Variants in PHC2 observed in about 807,000 individuals in gnomAD.
PHC2 encodes the protein polyhomeotic-like protein 2.
PHC2 carries 29 observed loss-of-function variants against 87.4 expected under a neutral mutation model. The observed-to-expected ratio is 0.33, with a 90% CI of 0.25 to 0.45. The LOEUF (loss-of-function observed/expected upper bound fraction) is 0.45, where lower values mean the gene tolerates loss of function less well. Among genes scored for constraint, PHC2 ranks in the 20% least tolerant of loss-of-function variants. The pLI is 1.00. For missense variants in PHC2, 857 were observed against 1,136.7 expected, an observed-to-expected ratio of 0.75 and a Z score of 3.54; for synonymous variants, 438 against 461.7, an observed-to-expected ratio of 0.95 and a Z score of 0.66.
rs145448809 is a variant in PHC2 at position 33,364,410 on chromosome 1, A to ACACGCG, written c.976+2705_976+2706insCGCGTG. 0.016 allele frequency among the ~76,000 whole-genome samples: 2,463 copies of ACACGCG among 150,038 alleles called. 75 individuals carry two copies. The highest frequency in any genetic ancestry group is 0.054 in the African/African-American group (2,204 of 40,656). ...TGCTTTCACACACACACACACACAC[A>ACACGCG]CACACACACACACACGCTCAAGCAC... On this transcript the variant is annotated intron_variant, in intron 7 of 14. Coordinates refer to ENST00000683057, the MANE Select transcript of PHC2 (RefSeq NM_001385109.1). The surrounding 1 kb of genome is among the most constrained non-coding windows in gnomAD (Gnocchi z 4.1).
intron 1 of PHC2, among the ~76,000 whole-genome samples, chr1:33,423,373 C>A (rs1390547850): frequency 6.6e-6 from 1 of 152,064 alleles, no homozygotes; most frequent in African/African-American, 2.4e-5. Context: ...CATTTTACAG[C>A]CAAGATTTTA....
intron 9 of PHC2, among the ~76,000 whole-genome samples, chr1:33,348,287 C>T (rs1448042766): frequency 1.4e-5 from 2 of 143,460 alleles, no homozygotes; most frequent in African/African-American, 5.0e-5. Context: ...AAAAGATGGG[C>T]GGGTGGGGGA....
intron 1 of PHC2, among the ~76,000 whole-genome samples, chr1:33,390,829 G>A (rs2148360996): frequency 6.6e-6 from 1 of 152,098 alleles, no homozygotes; most frequent in African/African-American, 2.4e-5. Context: ...TTAGTTTGAG[G>A]GACTTACATA....
In PHC2 at chr1:33,364,420, A is replaced by G. The variant is rs1570487666; in HGVS notation, c.976+2696T>C. The stretch of plus-strand genomic sequence containing the variant: ...CACACACACACACACACACACACAC[A>G]CACACGCTCAAGCACGCTCTTCTCT... On this transcript the variant is annotated intron_variant, in intron 7 of 14. Coordinates refer to ENST00000683057, the MANE Select transcript of PHC2 (RefSeq NM_001385109.1). The surrounding 1 kb of genome is among the most constrained non-coding windows in gnomAD (Gnocchi z 4.1). Among the ~76,000 whole-genome samples the G allele has an allele frequency of 2.0e-5, 3 of 150,872 alleles. No homozygotes were observed. The highest frequency in any genetic ancestry group is 4.2e-4 in the South Asian group (2 of 4,752).
In PHC2 at chr1:33,414,800, C is replaced by T. The variant is rs1006069210; in HGVS notation, c.-55+16176G>A. ...AATGCAGATCTACTTTTTAACTATT[C>T]ACAAGCCATATTTTAAATGACAGAA... On this transcript the variant is annotated intron_variant, in intron 1 of 14. Coordinates refer to ENST00000683057, the MANE Select transcript of PHC2 (RefSeq NM_001385109.1). Among the ~76,000 whole-genome samples, 13 of 152,156 alleles carry T rather than the reference C, an allele frequency of 8.5e-5. 1 individual carries two copies. The highest frequency in any genetic ancestry group is 6.5e-4 in the Admixed American group (10 of 15,284).
Position 33,370,470 on chromosome 1 carries a change from G to A in PHC2, c.527C>T (p.Ser176Phe). ...TGCTTGGCTTGCAGTCAGGGCTGGG[G>A]AAGACGTGTTGCCCAAGAGCACAGC... ...QQAVLLGNTS[S>F]PALTASQAQM... Residue 176 changes from serine (S) to phenylalanine (F), a missense_variant, in exon 5 of 15, where the codon TCC becomes TTC. Physicochemically the swap from Ser to Phe is radical, Grantham distance 155. Around this residue, in one of 3 missense-constraint regions of PHC2, gnomAD observed 832 missense variants for 1,081.8 expected, o/e 0.77. Coordinates refer to ENST00000683057, the MANE Select transcript of PHC2 (RefSeq NM_001385109.1). The A allele has an allele frequency of 6.2e-7, 1 of 1,614,190 alleles. No individual in the cohort carries two copies. The highest frequency in any genetic ancestry group is 8.5e-7 in the Non-Finnish European group (1 of 1,180,022).
chr1:33,346,090 TCA>T, intron 9 of PHC2: 10 of 985,330 alleles, frequency 1.0e-5, no homozygotes, highest in Non-Finnish European at 1.1e-5. Flanking sequence ...GAGGGGTAGT[TCA>T]GTTTTGGGTT....
intron 9 of PHC2, among the ~76,000 whole-genome samples, chr1:33,342,315 G>A (rs1646758814): frequency 6.6e-6 from 1 of 152,204 alleles, no homozygotes; most frequent in Non-Finnish European, 1.5e-5. Context: ...CTGGCAGGGA[G>A]GGGGCTCCTC....
At chr1:33,352,266 T>C (rs745740623) in intron 9 of PHC2, among the ~76,000 whole-genome samples, 13 of 152,148 alleles carry the variant, frequency 8.5e-5, no homozygotes, top group Non-Finnish European at 1.5e-4. Flanking sequence ...ATTAGCAAAT[T>C]GGTAAAAGGC....
At chr1:33,393,748 A>C (rs979230511) in intron 1 of PHC2, among the ~76,000 whole-genome samples, 1 of 152,384 alleles carries the variant, frequency 6.6e-6, no homozygotes, top group African/African-American at 2.4e-5. Flanking sequence ...AGTCTTGCAA[A>C]GATGTGTTGT....
At chr1:33,371,201 C>T in intron 3 of PHC2, 107 bp from the exon 4 acceptor site, 1 of 870,056 alleles carries the variant, frequency 1.1e-6, no homozygotes, top group Non-Finnish European at 1.9e-6. Context: ...AGGACAACAG[C>T]CTCTGGAGGT....
chr1:33,344,607 T>A (rs1158806360), intron 9 of PHC2, among the ~76,000 whole-genome samples: 3 of 152,156 alleles, frequency 2.0e-5, no homozygotes, highest in Non-Finnish European at 4.4e-5. Context: ...CAAATTTTTT[T>A]ATTTTTTATT....
chr1:33,428,225 C>G (rs982285497), intron 1 of PHC2, among the ~76,000 whole-genome samples: 1 of 152,160 alleles, frequency 6.6e-6, no homozygotes, highest in Non-Finnish European at 1.5e-5. Context: ...CCATACTACA[C>G]CACCACTCTC....
intron 1 of PHC2, among the ~76,000 whole-genome samples, chr1:33,408,448 T>TGTTTTG (rs112564135): frequency 1.6e-4 from 25 of 151,520 alleles, no homozygotes; most frequent in Admixed American, 4.6e-4. Context: ...TTTAGTAGTT[T>TGTTTTG]TTTTGTTTTG....
At chr1:33,325,249 G>A in intron 14 of PHC2, 1 of 517,828 alleles carries the variant, frequency 1.9e-6, no homozygotes, top group Non-Finnish European at 3.5e-6. Context: ...CCCCTGTTCA[G>A]ACCCCTGCTC....
At chr1:33,426,331 T>C (rs1014301035) in intron 1 of PHC2, among the ~76,000 whole-genome samples, 6 of 150,850 alleles carry the variant, frequency 4.0e-5, no homozygotes, top group African/African-American at 1.2e-4. Context: ...GGGGGGTCCA[T>C]GGTTTGAGGG....
intron 7 of PHC2, among the ~76,000 whole-genome samples, chr1:33,359,350 CAGTTAT>C (rs1647152758): frequency 6.6e-6 from 1 of 152,166 alleles, no homozygotes; most frequent in Admixed American, 6.5e-5. Flanking sequence ...GCAAGCATAC[CAGTTAT>C]AGTTACAGGA....
chr1:33,372,499 AC>A, intron 2 of PHC2, 52 bp from the exon 3 acceptor site: 1 of 1,439,738 alleles, frequency 6.9e-7, no homozygotes, highest in Non-Finnish European at 9.2e-7. Context: ...CACACAGAAC[AC>A]CCCTTTGGCA....
intron 7 of PHC2, 29 bp from the exon 8 acceptor site, chr1:33,355,282 C>T (rs1647050295): frequency 6.6e-7 from 1 of 1,523,656 alleles, no homozygotes; most frequent in Non-Finnish European, 8.8e-7. Flanking sequence ...GGTTAGAGAG[C>T]ATGGCTTGAC....
Sources: allele counts gnomAD v4.1 joint callset (sites outside exome capture counted in the v4.1 genomes callset), GRCh38; gene constraint gnomAD v4.1.1; regional missense constraint gnomAD v4.1.1; non-coding constraint Gnocchi (gnomAD v3.1); transcripts MANE v1.5; gene names NCBI Gene and HGNC (gene_info 2026-07-23, HGNC 2026-07-21).